The following ACSL1 variants were observed in gnomAD, a reference collection of about 807,000 sequenced individuals.
ACSL1 encodes the protein long-chain-fatty-acid--CoA ligase 1.
In ACSL1, 41 loss-of-function variants were observed where a neutral mutation model predicts 98.4. The observed-to-expected ratio is 0.42, with a 90% CI of 0.32 to 0.54. The LOEUF (loss-of-function observed/expected upper bound fraction) is 0.54, where lower values mean the gene tolerates loss of function less well. Ranked by LOEUF, ACSL1 falls within the 20% of genes least tolerant of loss-of-function variation. The pLI is 0.13. For missense variants in ACSL1, 734 were observed against 883.1 expected (o/e 0.83, Z 2.14); for synonymous variants, 316 against 322.7 (o/e 0.98, Z 0.22).
At chr4:184,818,285 A>G (rs906949471) in intron 1 of ACSL1, among the ~76,000 whole-genome samples, 1 of 152,204 alleles carries the variant, frequency 6.6e-6, no homozygotes, top group Non-Finnish European at 1.5e-5. Flanking sequence ...ACTACAGTAG[A>G]GTTATGTAAC....
chr4:184,783,291 C>T (rs773966843), intron 4 of ACSL1, among the ~76,000 whole-genome samples: 6 of 152,220 alleles, frequency 3.9e-5, no homozygotes, highest in Admixed American at 6.5e-5. Flanking sequence ...ACAAGGGCCA[C>T]CATACTCAGA....
At chr4:184,767,652 T>C (rs765093201) in intron 12 of ACSL1, among the ~76,000 whole-genome samples, 8 of 152,224 alleles carry the variant, frequency 5.3e-5, no homozygotes, top group African/African-American at 1.9e-4. Flanking sequence ...GAGTATTATA[T>C]GTTGATAAAG....
chr4:184,786,686 CACTTTCTTTTTTTT>C (rs1227308004), intron 3 of ACSL1, among the ~76,000 whole-genome samples: 2 of 142,498 alleles, frequency 1.4e-5, no homozygotes, highest in African/African-American at 5.0e-5. Flanking sequence ...AAACAATAGG[CACTTTCTTTTTTTT>C]TTTTTTTTTT....
chr4:184,821,236 C>T, intron 1 of ACSL1: 1 of 373,042 alleles, frequency 2.7e-6, no homozygotes, highest in South Asian at 1.9e-5. Context: ...CACCTGGACC[C>T]TGAAGGAGAA....
chr4:184,826,375 A>C (rs1449947266), upstream of ACSL1: 1 of 152,596 alleles, frequency 6.6e-6, no homozygotes, highest in African/African-American at 2.4e-5. Flanking sequence ...CGGATCCTGC[A>C]CCCTCAGCCC....
rs768191896 is a variant in ACSL1, at chr4:184,762,560, T to A, written c.1522-37A>T. 2.7e-5 allele frequency: 43 copies of A among 1,585,284 alleles called. No individual in the cohort carries two copies. In the Admixed American group the frequency reaches 6.7e-4, roughly 25 times the overall value. On this transcript the variant is annotated intron_variant, in intron 16 of 20. Transcript: ENST00000281455. ...AAGATCATCAGTGAACAGCATTTAC[T>A]GGGGTTTTTCCAGAGAAAACTGGTG... is the stretch of plus-strand genomic sequence containing the variant.
At chr4:184,820,815 G>C (rs190311230) in intron 1 of ACSL1, among the ~76,000 whole-genome samples, 1 of 151,706 alleles carries the variant, frequency 6.6e-6, no homozygotes, top group Admixed American at 6.6e-5. Context: ...ATATTGGTCA[G>C]GGTGATCCAC....
At chr4:184,817,883 T>C (rs975531041) in intron 1 of ACSL1, among the ~76,000 whole-genome samples, 1 of 152,172 alleles carries the variant, frequency 6.6e-6, no homozygotes, top group Admixed American at 6.5e-5. Context: ...TGAAGGTCTG[T>C]CCTGGACACC....
intron 6 of ACSL1, 55 bp downstream of exon 6, chr4:184,776,829 C>G (rs144150896): frequency 6.3e-7 from 1 of 1,576,250 alleles, no homozygotes; most frequent in East Asian, 2.3e-5. Flanking sequence ...AATGTAAAGT[C>G]ACTGAACCTA....
intron 4 of ACSL1, 76 bp downstream of exon 4, chr4:184,783,851 C>G (rs111478680): frequency 7.3e-7 from 1 of 1,375,936 alleles, no homozygotes; most frequent in Non-Finnish European, 1.0e-6. Flanking sequence ...AGAAACCTTC[C>G]GGCTCCAAGA....
chr4:184,762,625 C>T (rs1272912839), intron 16 of ACSL1, 102 bp from the exon 17 acceptor site: 3 of 1,031,336 alleles, frequency 2.9e-6, no homozygotes, highest in Non-Finnish European at 4.5e-6. Flanking sequence ...CAACCTTTAG[C>T]TGGAAGCCCT....
intron 1 of ACSL1, chr4:184,814,884 C>G: frequency 2.7e-6 from 1 of 377,104 alleles, no homozygotes; most frequent in Non-Finnish European, 5.3e-6. Context: ...TTTCGTGCCT[C>G]TTTGAAAAAG....
chr4:184,756,052 T>A lies in ACSL1; in HGVS notation c.*1073A>T, dbSNP rs1000257419. 1 of 152,304 alleles carries A rather than the reference T, an allele frequency of 6.6e-6. No individual in the cohort carries two copies. The highest frequency in any genetic ancestry group is 1.5e-5 in the Non-Finnish European group (1 of 68,036). The allele number at this position is 152,304 out of a possible 1,614,324, so 9.4% of individuals were successfully genotyped here. A position where few individuals can be genotyped will look rare whatever the true frequency, so the allele number is the denominator to read the frequency against. On this transcript the variant is annotated 3_prime_UTR_variant, in exon 21 of 21. Coordinates refer to ENST00000281455, the MANE Select transcript of ACSL1 (RefSeq NM_001995.5). ...ATTTCATAGAAATCAGGTAGCATTA[T>A]AAGAACATTTGCTTATTACTGTCCA...
In ACSL1 at chr4:184,756,977, T is replaced by G. The variant is rs1278987670; in HGVS notation, c.*148A>C. 3 of 985,768 alleles carry G rather than the reference T, an allele frequency of 3.0e-6. No individual in the cohort carries two copies. Among genetic ancestry groups the G allele is most frequent in the African/African-American group, 3.2e-5 (2 of 62,064 alleles). The allele number at this position is 985,768 out of a possible 1,614,324, so 61.1% of individuals were successfully genotyped here. On this transcript the variant is annotated 3_prime_UTR_variant, in exon 21 of 21. Coordinates refer to ENST00000281455, the MANE Select transcript of ACSL1 (RefSeq NM_001995.5). ...AGGCAGTGTTCTCTTTCCTCTAGCA[T>G]TCCTATGAGAAGAACCCCGAATGGA...
chr4:184,789,959 G>A lies in ACSL1; in HGVS notation c.196-1228C>T, dbSNP rs567980956. Among the ~76,000 whole-genome samples the A allele has an allele frequency of 2.6e-5, 4 of 151,420 alleles. No homozygotes were observed. The East Asian group carries it at 5.8e-4, about 22-fold the overall frequency. ...TGGAAACCCTTGGAGAAATTAGACT[G>A]TGATATGATAACCTCTGGTACCAAG... On this transcript the variant is annotated intron_variant, in intron 2 of 20. Transcript: ENST00000281455.
intron 1 of ACSL1, among the ~76,000 whole-genome samples, chr4:184,811,596 A>G (rs1772124633): frequency 6.6e-6 from 1 of 152,142 alleles, no homozygotes; most frequent in Admixed American, 6.6e-5. Context: ...AGGTACCTAG[A>G]ATCAGCAAAT....
In ACSL1 at chr4:184,819,535, C is replaced by T. The variant is rs142987358; in HGVS notation, c.-33+6381G>A. 7.2e-5 allele frequency among the ~76,000 whole-genome samples: 11 copies of T among 152,236 alleles called. No homozygotes were observed. In the East Asian group the frequency reaches 2.1e-3, roughly 29 times the overall value. ...TTGATCTTAGCTATAGGATCAAAGA[C>T]ACCATCGGACCAGGACACAGGAAGG... On this transcript the variant is annotated intron_variant, in intron 1 of 20. Transcript: ENST00000281455.
intron 11 of ACSL1, among the ~76,000 whole-genome samples, chr4:184,769,970 G>C (rs1764243594): frequency 6.6e-6 from 1 of 152,160 alleles, no homozygotes; most frequent in Non-Finnish European, 1.5e-5. Flanking sequence ...TTAGGAACAA[G>C]CACAATCAAA....
intron 2 of ACSL1, among the ~76,000 whole-genome samples, chr4:184,801,253 G>A (rs767996173): frequency 1.3e-5 from 2 of 152,216 alleles, no homozygotes; most frequent in Admixed American, 6.5e-5. Flanking sequence ...AACAGCCAGC[G>A]TGGGTTGTGA....
Sources: gnomAD v4.1 joint callset for allele counts (sites outside exome capture counted in the v4.1 genomes callset) on GRCh38, gnomAD v4.1.1 for gene constraint, MANE v1.5 for transcripts, NCBI Gene and HGNC (gene_info 2026-07-23, HGNC 2026-07-21) for gene names.